Variants in IL1RAPL2 observed in about 807,000 individuals in gnomAD.
The protein encoded by IL1RAPL2 is interleukin 1 receptor accessory protein like 2.
In IL1RAPL2, 3 loss-of-function variants were observed where a neutral mutation model predicts 44.1. The observed-to-expected ratio is 0.07, with a 90% CI of 0.03 to 0.18. The LOEUF (loss-of-function observed/expected upper bound fraction) is 0.18, where lower values mean the gene tolerates loss of function less well. Among genes scored for constraint, IL1RAPL2 ranks in the 10% least tolerant of loss-of-function variants. The pLI is 1.00. For missense variants in IL1RAPL2, 391 were observed against 496.4 expected, an observed-to-expected ratio of 0.79 and a Z score of 2.02; for synonymous variants, 181 against 178.8, an observed-to-expected ratio of 1.01 and a Z score of -0.10.
chrX:105,297,579 C>T (rs1007684953), intron 5 of IL1RAPL2, among the ~76,000 whole-genome samples: 3 of 110,381 alleles, frequency 2.7e-5, no homozygotes, highest in Non-Finnish European at 5.7e-5. Context: ...TGGGGAGAAG[C>T]GCCAGACACT....
chrX:105,643,682 G>A (rs1046572441), intron 6 of IL1RAPL2, among the ~76,000 whole-genome samples: 1 of 111,362 alleles, frequency 9.0e-6, no homozygotes, highest in Non-Finnish European at 1.9e-5. Flanking sequence ...CAGCGGCTGG[G>A]CAAGCTCCTG....
intron 2 of IL1RAPL2, among the ~76,000 whole-genome samples, chrX:105,040,628 G>C (rs1201102343): frequency 2.7e-5 from 3 of 110,160 alleles, no homozygotes; most frequent in Non-Finnish European, 1.9e-5. Flanking sequence ...ATGTGTCAAG[G>C]AATTTATCCA....
At chrX:105,092,698 G>A (rs1012256362) in intron 2 of IL1RAPL2, among the ~76,000 whole-genome samples, 1 of 111,025 alleles carries the variant, frequency 9.0e-6, no homozygotes, top group Non-Finnish European at 1.9e-5. Flanking sequence ...TACCTCCTGG[G>A]AGCTGAGGGC....
intron 4 of IL1RAPL2, among the ~76,000 whole-genome samples, chrX:105,260,649 G>C (rs1370009069): frequency 8.9e-6 from 1 of 112,189 alleles, no homozygotes; most frequent in Non-Finnish European, 1.9e-5. Flanking sequence ...GTCCCGTCCA[G>C]TGAGGAGGAG....
At chrX:105,432,782 C>T (rs906557885) in intron 5 of IL1RAPL2, among the ~76,000 whole-genome samples, 8 of 111,146 alleles carry the variant, frequency 7.2e-5, no homozygotes, top group African/African-American at 2.6e-4. Context: ...CCAGCCAGGC[C>T]TTAGAAAATC....
intron 2 of IL1RAPL2, among the ~76,000 whole-genome samples, chrX:105,077,301 G>T (rs953984180): frequency 1.8e-5 from 2 of 111,407 alleles, no homozygotes; most frequent in African/African-American, 6.5e-5. Flanking sequence ...CTTCACTTAT[G>T]AAGCTTAGTT....
At chrX:104,670,388 G>T (rs1203110459) in intron 2 of IL1RAPL2, among the ~76,000 whole-genome samples, 2 of 111,501 alleles carry the variant, frequency 1.8e-5, no homozygotes, top group African/African-American at 6.5e-5. Flanking sequence ...CTTTGTTCTA[G>T]TTCTGCTGGC....
chrX:104,927,231 C>G (rs184761762), intron 2 of IL1RAPL2, among the ~76,000 whole-genome samples: 12 of 111,555 alleles, frequency 1.1e-4, no homozygotes, highest in South Asian at 7.6e-4. Flanking sequence ...CAATTTAAAT[C>G]TAACCTACCT....
intron 6 of IL1RAPL2, among the ~76,000 whole-genome samples, chrX:105,700,790 T>G (rs956331436): frequency 8.9e-6 from 1 of 111,830 alleles, no homozygotes; most frequent in Non-Finnish European, 1.9e-5. Flanking sequence ...GATAAAGATC[T>G]CTTAATGATC....
chrX:105,011,119 G>A (rs565653196), intron 2 of IL1RAPL2, among the ~76,000 whole-genome samples: 1 of 110,916 alleles, frequency 9.0e-6, no homozygotes, highest in African/African-American at 3.3e-5. Context: ...GTGACTTTGG[G>A]CAATTTACTT....
chrX:105,420,456 A>G (rs1341401525), intron 5 of IL1RAPL2, among the ~76,000 whole-genome samples: 1 of 111,830 alleles, frequency 8.9e-6, no homozygotes, highest in Admixed American at 9.5e-5. Context: ...CTTCTCCCCA[A>G]TATTGTGTGT....
intron 6 of IL1RAPL2, among the ~76,000 whole-genome samples, chrX:105,513,674 T>C (rs1420336161): frequency 9.0e-6 from 1 of 111,668 alleles, no homozygotes; most frequent in Non-Finnish European, 1.9e-5. Context: ...TATTAGCCCT[T>C]TGTCAGATGG....
intron 5 of IL1RAPL2, among the ~76,000 whole-genome samples, chrX:105,276,854 G>A (rs370846177): frequency 4.5e-5 from 5 of 111,853 alleles, no homozygotes; most frequent in African/African-American, 1.6e-4. Context: ...AAAACCTGAA[G>A]TGGCCTGGAG....
intron 6 of IL1RAPL2, among the ~76,000 whole-genome samples, chrX:105,569,323 A>C (rs1330817383): frequency 1.8e-5 from 2 of 111,958 alleles, no homozygotes; most frequent in Non-Finnish European, 3.8e-5. Flanking sequence ...TAAAATTAAA[A>C]CTGTAACCCT....
chrX:105,670,255 T>C (rs1299871566), intron 6 of IL1RAPL2, among the ~76,000 whole-genome samples: 1 of 100,524 alleles, frequency 9.9e-6, no homozygotes, highest in East Asian at 3.1e-4. Context: ...GTTTTAGCTA[T>C]TCTAAGTTCT....
At chrX:104,901,477 C>A (rs1457515430) in intron 2 of IL1RAPL2, among the ~76,000 whole-genome samples, 3 of 109,838 alleles carry the variant, frequency 2.7e-5, no homozygotes, top group African/African-American at 6.6e-5. Context: ...TCCCAGAGTG[C>A]TGGGATTACA....
At chrX:105,626,977 A>C (rs143797781) in intron 6 of IL1RAPL2, among the ~76,000 whole-genome samples, 72 of 111,511 alleles carry the variant, frequency 6.5e-4, no homozygotes, top group African/African-American at 2.2e-3. Context: ...TCTGCAGGTC[A>C]GGAAAACCTA....
chrX:105,185,851 T>A (rs1396403214), intron 2 of IL1RAPL2, among the ~76,000 whole-genome samples: 1 of 112,111 alleles, frequency 8.9e-6, no homozygotes, highest in Non-Finnish European at 1.9e-5. Flanking sequence ...CCAAAGCAGT[T>A]CACTCCACTA....
intron 5 of IL1RAPL2, among the ~76,000 whole-genome samples, chrX:105,475,739 C>A (rs2036193982): frequency 9.0e-6 from 1 of 110,778 alleles, no homozygotes; most frequent in Non-Finnish European, 1.9e-5. Flanking sequence ...TTTCCATTTC[C>A]CCCAAGGTTG....
Sources: allele counts gnomAD v4.1 joint callset (sites outside exome capture counted in the v4.1 genomes callset), GRCh38; gene constraint gnomAD v4.1.1; transcripts MANE v1.5; gene names NCBI Gene and HGNC (gene_info 2026-07-23, HGNC 2026-07-21).